CSMD3: variants seen among roughly 807,000 people sequenced by gnomAD.
The protein encoded by CSMD3 is CUB and sushi domain-containing protein 3.
In CSMD3, 177 loss-of-function variants were observed where a neutral mutation model predicts 435.2. That is an observed-to-expected ratio of 0.41 (90% CI 0.36 to 0.46). The LOEUF is 0.46. CSMD3 is among the 20% of genes least tolerant of loss of function. The pLI is 0.34. For synonymous variants in CSMD3, 1,656 were observed against 1,520.5 expected (o/e 1.09, Z -2.07); for missense variants, 4,265 against 4,504.6 (o/e 0.95, Z 1.52).
chr8:112,849,964 T>A (rs892798406), intron 11 of CSMD3, among the ~76,000 whole-genome samples: 1 of 152,084 alleles, frequency 6.6e-6, no homozygotes, highest in Non-Finnish European at 1.5e-5. Flanking sequence ...TTGTAGCCTT[T>A]GGCAAATTAC....
chr8:112,967,144 A>C (rs2084449143), intron 7 of CSMD3, among the ~76,000 whole-genome samples: 1 of 148,848 alleles, frequency 6.7e-6, no homozygotes, highest in Non-Finnish European at 1.5e-5. Context: ...CCACAATGAA[A>C]TTTGAAAAGC....
chr8:112,897,391 T>G (rs1233432606), intron 10 of CSMD3, among the ~76,000 whole-genome samples: 1 of 151,280 alleles, frequency 6.6e-6, no homozygotes, highest in Non-Finnish European at 1.5e-5. Flanking sequence ...ATTTTATTCA[T>G]CATTATAGGA....
At chr8:112,636,764 C>A (rs2131579839) in intron 22 of CSMD3, 53 bp downstream of exon 22, 1 of 1,393,530 alleles carries the variant, frequency 7.2e-7, no homozygotes, top group Non-Finnish European at 1.0e-6. Context: ...AACCATGCAA[C>A]TCCATGGACA....
chr8:112,697,526 G>A lies in CSMD3; in HGVS notation c.1973-7476C>T, dbSNP rs1258140189. ...CACCACATGTTCTCACTCATAGGTG[G>A]GAATTGAATAATGAGAACACTTGGA... On this transcript the variant is annotated intron_variant, in intron 13 of 70. Transcript: ENST00000297405. 2.6e-5 allele frequency among the ~76,000 whole-genome samples: 4 copies of A among 151,784 alleles called. No homozygotes were observed. In the East Asian group the frequency reaches 7.8e-4, roughly 30 times the overall value.
chr8:112,636,387 A>T (rs1408539036), intron 22 of CSMD3, among the ~76,000 whole-genome samples: 4 of 152,090 alleles, frequency 2.6e-5, no homozygotes, highest in East Asian at 1.9e-4. Context: ...TAAGTTATAA[A>T]ATATTGTCAA....
intron 59 of CSMD3, among the ~76,000 whole-genome samples, chr8:112,278,861 G>T (rs1563729210): frequency 6.6e-6 from 1 of 152,060 alleles, no homozygotes; most frequent in Non-Finnish European, 1.5e-5. Flanking sequence ...TAAGCCTGGA[G>T]TCCCTAAACC....
chr8:112,454,414 CAAAT>C (rs1032347937), intron 32 of CSMD3, among the ~76,000 whole-genome samples: 5 of 151,992 alleles, frequency 3.3e-5, no homozygotes, highest in African/African-American at 1.2e-4. Flanking sequence ...AATAATGCAA[CAAAT>C]AAATAACCAA....
At chr8:112,976,468 C>T (rs1161281114) in intron 6 of CSMD3, among the ~76,000 whole-genome samples, 1 of 151,984 alleles carries the variant, frequency 6.6e-6, no homozygotes, top group African/African-American at 2.4e-5. Flanking sequence ...ATTTTAGCAA[C>T]GAATGCCTGG....
At chr8:112,406,826 T>C (rs1476831483) in intron 34 of CSMD3, 99 bp from the exon 35 acceptor site, 7 of 667,178 alleles carry the variant, frequency 1.0e-5, no homozygotes, top group Non-Finnish European at 1.7e-5. Context: ...ATCATCACTT[T>C]TTATCAGAAC....
chr8:113,353,282 C>T (rs1054170188), intron 1 of CSMD3, among the ~76,000 whole-genome samples: 1 of 152,116 alleles, frequency 6.6e-6, no homozygotes, highest in African/African-American at 2.4e-5. Context: ...GATTCTCACA[C>T]ATATGAATAA....
chr8:112,476,697 T>A (rs1194188448), intron 31 of CSMD3, among the ~76,000 whole-genome samples: 2 of 152,190 alleles, frequency 1.3e-5, no homozygotes, highest in East Asian at 3.9e-4. Context: ...AACCCAATAA[T>A]TTAGAGACTG....
intron 38 of CSMD3, among the ~76,000 whole-genome samples, chr8:112,369,544 G>A (rs537824217): frequency 6.6e-6 from 1 of 152,120 alleles, no homozygotes; most frequent in South Asian, 2.1e-4. Context: ...AAAAAAGAAT[G>A]AGTTCATGTC....
intron 38 of CSMD3, among the ~76,000 whole-genome samples, chr8:112,356,318 T>A (rs11778874): frequency 9.2e-5 from 14 of 152,010 alleles, no homozygotes; most frequent in African/African-American, 3.4e-4. Context: ...TTAAATAATA[T>A]GCAGCCATAA....
chr8:112,544,854 A>G (rs1460606592), intron 27 of CSMD3, among the ~76,000 whole-genome samples: 5 of 152,196 alleles, frequency 3.3e-5, no homozygotes. Flanking sequence ...AAACTTTTTC[A>G]TTAAACATTT....
chr8:112,535,715 T>G (rs1160052772), intron 27 of CSMD3, among the ~76,000 whole-genome samples: 1 of 152,056 alleles, frequency 6.6e-6, no homozygotes, highest in Non-Finnish European at 1.5e-5. Context: ...CATCGCCAAG[T>G]CGATCCTAAG....
intron 10 of CSMD3, among the ~76,000 whole-genome samples, chr8:112,914,048 A>G (rs2082506215): frequency 6.6e-6 from 1 of 151,968 alleles, no homozygotes. Context: ...ACCACAAAAT[A>G]TCAATGTTAT....
chr8:113,429,493 T>G (rs2094657384), intron 1 of CSMD3, among the ~76,000 whole-genome samples: 1 of 152,064 alleles, frequency 6.6e-6, no homozygotes, highest in South Asian at 2.1e-4. Context: ...TACAGACTTG[T>G]AATGTCAAGA....
At chr8:112,240,511 T>C (rs1814016812) in intron 66 of CSMD3, among the ~76,000 whole-genome samples, 1 of 152,064 alleles carries the variant, frequency 6.6e-6, no homozygotes, top group Admixed American at 6.6e-5. Context: ...AGCTTGGTGG[T>C]CCCTCCACTT....
chr8:112,345,468 G>A (rs552628858), intron 41 of CSMD3, among the ~76,000 whole-genome samples: 1 of 152,124 alleles, frequency 6.6e-6, no homozygotes. Flanking sequence ...AGGGCATTAT[G>A]TTAAGTGCAA....
Sources: allele counts gnomAD v4.1 joint callset (sites outside exome capture counted in the v4.1 genomes callset), GRCh38; gene constraint gnomAD v4.1.1; transcripts MANE v1.5; gene names NCBI Gene and HGNC (gene_info 2026-07-23, HGNC 2026-07-21).